Variants in ACOT11 observed in about 807,000 individuals in gnomAD.
The protein encoded by ACOT11 is acyl-coenzyme A thioesterase 11.
Under a neutral mutation model 77.5 loss-of-function variants are expected in ACOT11, and 69 were observed. That is an observed-to-expected ratio of 0.89 (90% CI 0.73 to 1.09). ACOT11 has a LOEUF of 1.09. Among genes scored for constraint, ACOT11 ranks in the 50% least tolerant of loss-of-function variants. The pLI is 0.00. For synonymous variants in ACOT11, 279 were observed against 313.0 expected (o/e 0.89, Z 1.15); for missense variants, 766 against 813.7 (o/e 0.94, Z 0.71).
rs537478490 is a variant in ACOT11, at chr1:54,609,780, C to T, written c.*668C>T. 47 of 1,614,160 alleles carry T rather than the reference C, an allele frequency of 2.9e-5. 1 individual carries two copies. In the South Asian group the frequency reaches 4.7e-4, roughly 16 times the overall value. ...GATGGCCGGAGGGCTGCGGGCTCCG[C>T]TATTTGCAAATGGATGCCCCAGTGT... is the stretch of plus-strand genomic sequence containing the variant. On this transcript the variant is annotated 3_prime_UTR_variant, in exon 16 of 16. Transcript: ENST00000343744.
intron 1 of ACOT11, chr1:54,573,166 G>A (rs562736167): frequency 3.0e-6 from 3 of 985,472 alleles, no homozygotes; most frequent in Admixed American, 6.1e-5. Flanking sequence ...AAGAGCCGGT[G>A]GATGTCACAG....
At chr1:54,630,914 T>G (rs769133634) in intron 16 of ACOT11, 19 of 685,044 alleles carry the variant, frequency 2.8e-5, no homozygotes, top group Non-Finnish European at 4.6e-5. Flanking sequence ...TCCGGAAGCG[T>G]CAGGGTAACA....
downstream of ACOT11, chr1:54,612,523 AG>A: frequency 6.2e-7 from 1 of 1,614,016 alleles, no homozygotes. Context: ...AAGTGGGGCC[AG>A]GCAGCCCGCA....
At chr1:54,597,684 A>G in intron 7 of ACOT11, 1 of 498,262 alleles carries the variant, frequency 2.0e-6, no homozygotes, top group Non-Finnish European at 3.6e-6. Flanking sequence ...TCCTTCTAGT[A>G]TCTATGTTCC....
At chr1:54,620,701 G>A (rs12760859) in intron 15 of ACOT11, among the ~76,000 whole-genome samples, 5 of 145,790 alleles carry the variant, frequency 3.4e-5, no homozygotes, top group Admixed American at 1.4e-4. Flanking sequence ...AAAAATTAGC[G>A]GGATGGACGT....
At chr1:54,623,694 A>T in intron 15 of ACOT11, 1 of 265,684 alleles carries the variant, frequency 3.8e-6, no homozygotes. Flanking sequence ...TGTTGGACCG[A>T]GCCCCGACCC....
rs1335356512 is a variant in ACOT11 at position 54,603,393 on chromosome 1, TG to T, written c.1086-477del. On this transcript the variant is annotated intron_variant, in intron 10 of 15. Transcript: ENST00000343744. ...AAATGAAGCCAGGTGTGTCTGACTC[TG>T]CTGTGAAAGCATTTATGGACTTTAG... 1.6e-4 allele frequency among the ~76,000 whole-genome samples: 25 copies of T among 152,346 alleles called. No homozygotes were observed. The East Asian group carries it at 3.9e-3, about 24-fold the overall frequency.
chr1:54,582,467 A>G, intron 1 of ACOT11: 1 of 985,374 alleles, frequency 1.0e-6, no homozygotes, highest in Non-Finnish European at 1.2e-6. Flanking sequence ...TGGTGAATGA[A>G]CAAATGAACA....
intron 1 of ACOT11, 170 bp downstream of exon 1, chr1:54,548,512 ATCAGCAGCAATC>A: frequency 1.2e-6 from 1 of 851,982 alleles, no homozygotes; most frequent in Non-Finnish European, 1.8e-6. Flanking sequence ...CTGGTTTATT[ATCAGCAGCAATC>A]TCCAAACAAG....
chr1:54,551,832 C>T (rs1050852912), intron 1 of ACOT11, among the ~76,000 whole-genome samples: 1 of 152,120 alleles, frequency 6.6e-6, no homozygotes, highest in African/African-American at 2.4e-5. Context: ...TCACTGCAGC[C>T]TCTGCCTCCT....
chr1:54,626,001 C>A (rs891726828), intron 15 of ACOT11, among the ~76,000 whole-genome samples: 6 of 151,542 alleles, frequency 4.0e-5, no homozygotes, highest in African/African-American at 1.5e-4. Flanking sequence ...TGGCTCACAC[C>A]TGTAATCCCA....
chr1:54,553,018 G>A (rs1165760985), intron 1 of ACOT11, among the ~76,000 whole-genome samples: 1 of 150,006 alleles, frequency 6.7e-6, no homozygotes, highest in Non-Finnish European at 1.5e-5. Context: ...GTAGAGATGG[G>A]GTTTCTCCAT....
intron 1 of ACOT11, among the ~76,000 whole-genome samples, chr1:54,568,041 CCTT>C (rs1359238125): frequency 3.9e-5 from 6 of 152,298 alleles, no homozygotes; most frequent in African/African-American, 1.4e-4. Flanking sequence ...TTTCTTAGGT[CCTT>C]CTGTCCCAAC....
chr1:54,554,351 ATTT>A (rs35047110), intron 1 of ACOT11, among the ~76,000 whole-genome samples: 5,244 of 97,094 alleles, frequency 0.054, 244 homozygotes, highest in Non-Finnish European at 0.06. Flanking sequence ...ATATATATAT[ATTT>A]TTTTTTTTTT....
rs1284432600 is a variant in ACOT11 at position 54,594,034 on chromosome 1, A to G, written c.466A>G (p.Thr156Ala). The G allele has an allele frequency of 1.2e-6, 2 of 1,613,410 alleles. No individual in the cohort carries two copies. The highest frequency in any genetic ancestry group is 1.3e-5 in the African/African-American group (1 of 74,868). Residue 156 changes from threonine (T) to alanine (A), a missense_variant, in exon 5 of 16, where the codon ACC (threonine) becomes GCC (alanine). Physicochemically the swap from Thr to Ala is moderately conservative, Grantham distance 58 (BLOSUM62 0). Coordinates refer to ENST00000343744, the MANE Select transcript of ACOT11 (RefSeq NM_147161.4). ...LATFVARREI[T>A]KVKLKQITPR... ...CACCTTCGTGGCCCGCCGAGAGATCACCAAGGTAACTGGGTGCGCCTGGCT... is the reference window on the plus strand; with the variant it reads ...CACCTTCGTGGCCCGCCGAGAGATCGCCAAGGTAACTGGGTGCGCCTGGCT...
chr1:54,623,205 G>C, intron 15 of ACOT11: 1 of 982,148 alleles, frequency 1.0e-6, no homozygotes. Context: ...GGTCAGAGCT[G>C]TAAGTGAGAA....
chr1:54,633,942 C>G (rs1315722823), intron 16 of ACOT11, among the ~76,000 whole-genome samples: 1 of 152,212 alleles, frequency 6.6e-6, no homozygotes, highest in Non-Finnish European at 1.5e-5. Flanking sequence ...ATCTTTTCAA[C>G]TCAGCATTCA....
At chr1:54,612,159 G>T (rs1454812500), downstream of ACOT11, among the ~76,000 whole-genome samples, 1 of 151,828 alleles carries the variant, frequency 6.6e-6, no homozygotes, top group East Asian at 1.9e-4. Context: ...GCTATCCTAG[G>T]GCAGGGGTTA....
At chr1:54,572,993 G>GT in intron 1 of ACOT11, 1 of 985,462 alleles carries the variant, frequency 1.0e-6, no homozygotes, top group Non-Finnish European at 1.2e-6. Flanking sequence ...CAGTGGCCCA[G>GT]TGGGACAGTG....
Sources: gnomAD v4.1 joint callset for allele counts (sites outside exome capture counted in the v4.1 genomes callset) on GRCh38, gnomAD v4.1.1 for gene constraint, MANE v1.5 for transcripts, NCBI Gene and HGNC (gene_info 2026-07-23, HGNC 2026-07-21) for gene names.